Variants in LRR1 observed in about 807,000 individuals in gnomAD.
The protein encoded by LRR1 is leucine-rich repeat protein 1.
LRR1 carries 29 observed loss-of-function variants against 31.6 expected under a neutral mutation model. The ratio of observed to expected loss-of-function variants is 0.92; its 90% confidence interval spans 0.68 to 1.25. The LOEUF (loss-of-function observed/expected upper bound fraction) is 1.25, where lower values mean the gene tolerates loss of function less well. Ranked by LOEUF, LRR1 falls within the 50% of genes most tolerant of loss-of-function variation. LRR1 has a pLI of 0.00. For missense variants in LRR1, 485 were observed against 487.2 expected (o/e 1.00, Z 0.04); for synonymous variants, 179 against 181.4 (o/e 0.99, Z 0.10).
At position 49,607,703 on chromosome 14, in the gene LRR1, A is replaced by G; in HGVS notation, c.586A>G (p.Ile196Val). Residue 196 changes from isoleucine to valine, a missense_variant, in exon 3 of 4, where the codon ATT becomes GTT. Physicochemically the swap from Ile to Val is conservative, Grantham distance 29. This residue lies in a region of LRR1 where 260 missense variants were observed against 249.6 expected (regional missense o/e 1.04). Coordinates refer to ENST00000298288, the MANE Select transcript of LRR1 (RefSeq NM_152329.4). ...HNHIKKLPAT[I>V]GDLIHLQELN... ...CCATATAAAAAAGCTTCCAGCTACA[A>G]TTGGAGACCTCATACACCTTCAAGA... is the stretch of plus-strand genomic sequence containing the variant. 7 of 1,611,550 alleles carry G rather than the reference A, an allele frequency of 4.3e-6. No individual in the cohort carries two copies. Among genetic ancestry groups the G allele is most frequent in the Non-Finnish European group, 5.9e-6 (7 of 1,179,242 alleles).
At chr14:49,609,371 G>A (rs1214876608) in intron 3 of LRR1, among the ~76,000 whole-genome samples, 1 of 150,926 alleles carries the variant, frequency 6.6e-6, no homozygotes, top group Admixed American at 6.6e-5. Flanking sequence ...GATTACAGGC[G>A]CCCACCGCCA....
intron 3 of LRR1, among the ~76,000 whole-genome samples, chr14:49,613,115 A>G (rs1207696659): frequency 6.6e-6 from 1 of 152,016 alleles, no homozygotes; most frequent in Non-Finnish European, 1.5e-5. Context: ...CAAGGCGGAC[A>G]GATCACAAGG....
At chr14:49,604,356 G>A (rs190807352) in intron 2 of LRR1, among the ~76,000 whole-genome samples, 7 of 152,062 alleles carry the variant, frequency 4.6e-5, no homozygotes, top group Admixed American at 4.6e-4. Context: ...GCTGGGTGCA[G>A]TGGCTCACAC....
At chr14:49,613,824 AT>A (rs1210883215) in intron 3 of LRR1, among the ~76,000 whole-genome samples, 1 of 152,208 alleles carries the variant, frequency 6.6e-6, no homozygotes, top group Non-Finnish European at 1.5e-5. Context: ...AAAAGTAAAA[AT>A]CAAAAGTTTG....
chr14:49,612,802 T>G (rs1882560942), intron 3 of LRR1, among the ~76,000 whole-genome samples: 1 of 151,994 alleles, frequency 6.6e-6, no homozygotes, highest in African/African-American at 2.4e-5. Context: ...AGACACCGTG[T>G]GGGAGGCAAA....
rs1566492020 is a variant in LRR1, at chr14:49,602,414, G to A, written c.228G>A (p.Glu76=). 1 of 1,613,738 alleles carries A rather than the reference G, an allele frequency of 6.2e-7. No individual in the cohort carries two copies. Among genetic ancestry groups the A allele is most frequent in the Non-Finnish European group, 8.5e-7 (1 of 1,179,970 alleles). The change falls in exon 2 of 4, where the codon GAG becomes GAA. Residue 76 remains glutamate (E), a synonymous_variant. Coordinates refer to ENST00000298288, the MANE Select transcript of LRR1 (RefSeq NM_152329.4). The part of the protein sequence containing the change: ...IEQFFTKFVD[E]GKATVRLKEP... ...AATTCTTCACCAAATTTGTAGATGA[G>A]GGGAAAGCCACTGTTCGGTTAAAGG...
intron 2 of LRR1, among the ~76,000 whole-genome samples, chr14:49,603,002 A>ATTTT: frequency 7.2e-6 from 1 of 139,566 alleles, no homozygotes; most frequent in South Asian, 2.3e-4. Flanking sequence ...TGCGTGGCTG[A>ATTTT]TTTTTTTTTT....
chr14:49,607,411 C>A lies in LRR1; in HGVS notation c.294C>A (p.Ser98Arg). The A allele has an allele frequency of 6.4e-7, 1 of 1,561,236 alleles. No individual in the cohort carries two copies. The highest frequency in any genetic ancestry group is 8.6e-7 in the Non-Finnish European group (1 of 1,157,550). The change falls in exon 3 of 4, where the codon AGC becomes AGA. Residue 98 changes from serine to arginine, a missense_variant. Ser to Arg is a moderately radical substitution (Grantham distance 110). This residue lies in a region of LRR1 where 260 missense variants were observed against 249.6 expected (regional missense o/e 1.04). Coordinates refer to ENST00000298288, the MANE Select transcript of LRR1 (RefSeq NM_152329.4). ...VDICLSKAISSSLKGFLSAMR... is the reference protein window; with the variant it reads ...VDICLSKAISRSLKGFLSAMR... ...TTTTATTTATTCAGGCCATTTCCAG[C>A]AGTTTAAAAGGTTTCCTTTCAGCTA... is the stretch of plus-strand genomic sequence containing the variant.
At chr14:49,611,233 T>A (rs1161909559) in intron 3 of LRR1, among the ~76,000 whole-genome samples, 1 of 152,070 alleles carries the variant, frequency 6.6e-6, no homozygotes, top group East Asian at 1.9e-4. Context: ...CCCCAGCACT[T>A]TGGGAGATCG....
intron 1 of LRR1, 114 bp downstream of exon 1, chr14:49,599,317 G>A: frequency 2.4e-6 from 3 of 1,237,498 alleles, no homozygotes; most frequent in Non-Finnish European, 3.3e-6. Flanking sequence ...CCGCCTTGGG[G>A]GTTCCTGAAC....
At chr14:49,608,221 GCA>G (rs1882360350) in intron 3 of LRR1, 100 bp downstream of exon 3, 2 of 1,256,656 alleles carry the variant, frequency 1.6e-6, no homozygotes, top group Non-Finnish European at 2.1e-6. Flanking sequence ...ACAGTGCTAT[GCA>G]CAGTCTGACC....
At chr14:49,603,201 G>A (rs968934504) in intron 2 of LRR1, among the ~76,000 whole-genome samples, 1 of 128,664 alleles carries the variant, frequency 7.8e-6, no homozygotes, top group African/African-American at 3.0e-5. Flanking sequence ...CCATATAGCC[G>A]AATAGGGACA....
rs776059298 is a variant in LRR1, at chr14:49,599,065, C to T, written c.45C>T (p.Pro15=). 1.9e-6 allele frequency: 3 copies of T among 1,609,492 alleles called. No homozygotes were observed. Among genetic ancestry groups the T allele is most frequent in the Admixed American group, 3.4e-5 (2 of 59,294 alleles). ...TGGAGGTGATCAGCCGGCACTTGCC[C>T]GCCTTGGGGCTTAGGAACCGGGGCA... ...CEVEVISRHL[P]ALGLRNRGKG... The change falls in exon 1 of 4, where the codon CCC becomes CCT. Residue 15 remains proline, a synonymous_variant. Transcript: ENST00000298288.
intron 3 of LRR1, 63 bp from the exon 4 acceptor site, chr14:49,614,193 T>C: frequency 6.7e-7 from 1 of 1,498,230 alleles, no homozygotes; most frequent in Non-Finnish European, 9.0e-7. Flanking sequence ...TTCCATGTCC[T>C]AATAATTCAT....
chr14:49,600,165 C>T lies in LRR1; in HGVS notation c.183+962C>T, dbSNP rs920422580. ...CGTCACCGTGGGGGGCAAGCAGTACCTCCTAGGACTCTATAACACCGCCGG... is the reference window on the plus strand; with the variant it reads ...CGTCACCGTGGGGGGCAAGCAGTACTTCCTAGGACTCTATAACACCGCCGG... On this transcript the variant is annotated intron_variant, in intron 1 of 3. Transcript: ENST00000298288. 35 of 1,481,406 alleles carry T rather than the reference C, an allele frequency of 2.4e-5. No individual in the cohort carries two copies. The African/African-American group carries it at 4.3e-4, about 18-fold the overall frequency. 91.8% of individuals were successfully genotyped at this position (1,481,406 alleles called of 1,614,324 possible). A position where few individuals can be genotyped will look rare whatever the true frequency, so the allele number is the denominator to read the frequency against.
At chr14:49,611,617 T>G (rs1386568332) in intron 3 of LRR1, among the ~76,000 whole-genome samples, 1 of 151,808 alleles carries the variant, frequency 6.6e-6, no homozygotes, top group Non-Finnish European at 1.5e-5. Context: ...AAGACATACA[T>G]AAAAGAAATT....
chr14:49,601,453 T>C (rs1882046626), intron 1 of LRR1: 7 of 546,962 alleles, frequency 1.3e-5, no homozygotes, highest in Non-Finnish European at 1.6e-5. Flanking sequence ...CAATCATTAA[T>C]TTTTTTTAAA....
In LRR1 at chr14:49,607,498, G is replaced by T; in HGVS notation, c.381G>T (p.Lys127Asn). The change falls in exon 3 of 4, where the codon AAG becomes AAT. Residue 127 changes from lysine to asparagine, a missense_variant. By Grantham distance (94) the Lys-to-Asn change is moderately conservative. This residue lies in a region of LRR1 where 260 missense variants were observed against 249.6 expected (regional missense o/e 1.04). Transcript: ENST00000298288. ...DTPVSTLTPV[K>N]TSEFENFKTK... is the part of the protein sequence containing the mutation. ...CAGTTTCAACGCTCACACCAGTGAA[G>T]ACTTCAGAATTTGAAAACTTTAAAA... 1 of 1,614,110 alleles carries T rather than the reference G, an allele frequency of 6.2e-7. No homozygotes were observed. The highest frequency in any genetic ancestry group is 8.5e-7 in the Non-Finnish European group (1 of 1,180,008).
chr14:49,601,544 C>A, intron 1 of LRR1: 1 of 1,092,636 alleles, frequency 9.2e-7, no homozygotes, highest in Non-Finnish European at 1.2e-6. Flanking sequence ...CGTTCTAGCA[C>A]TCAGGATAGA....
Sources: gnomAD v4.1 joint callset for allele counts (sites outside exome capture counted in the v4.1 genomes callset) on GRCh38, gnomAD v4.1.1 for gene constraint, gnomAD v4.1.1 regional missense constraint, MANE v1.5 for transcripts, NCBI Gene and HGNC (gene_info 2026-07-23, HGNC 2026-07-21) for gene names.